Variants in GRIK4 observed in about 807,000 individuals in gnomAD.
The protein encoded by GRIK4 is glutamate receptor ionotropic, kainate 4.
In GRIK4, 40 loss-of-function variants were observed where a neutral mutation model predicts 104.9. That is an observed-to-expected ratio of 0.38 (90% CI 0.30 to 0.50). The LOEUF (loss-of-function observed/expected upper bound fraction) is 0.50, where lower values mean the gene tolerates loss of function less well. Ranked by LOEUF, GRIK4 falls within the 20% of genes least tolerant of loss-of-function variation. The pLI is 0.93. For missense variants in GRIK4, 1,047 were observed against 1,308.1 expected (o/e 0.80, Z 3.08); for synonymous variants, 485 against 524.9 (o/e 0.92, Z 1.04).
In GRIK4 at chr11:120,760,723, G is replaced by A. The variant is rs945823302; in HGVS notation, c.83-41970G>A. ...TGGTTTTCTGTTCCTGTGTTAGTTT[G>A]CTGAGAATAATGGTTTCCAGCTTCA... is the stretch of plus-strand genomic sequence containing the variant. On this transcript the variant is annotated intron_variant, in intron 3 of 20. Transcript: ENST00000527524. 7.2e-5 allele frequency among the ~76,000 whole-genome samples: 11 copies of A among 152,194 alleles called. No homozygotes were observed. In the East Asian group the frequency reaches 1.9e-3, roughly 27 times the overall value.
chr11:120,673,813 G>A (rs574578387), intron 3 of GRIK4, among the ~76,000 whole-genome samples: 1 of 152,238 alleles, frequency 6.6e-6, no homozygotes, highest in Non-Finnish European at 1.5e-5. Flanking sequence ...TGCCATTGTT[G>A]GTAGTTTCAG....
rs969036253 is a variant in GRIK4 at position 120,735,187 on chromosome 11, T to G, written c.83-67506T>G. Among the ~76,000 whole-genome samples the G allele has an allele frequency of 6.6e-5, 10 of 152,200 alleles. 1 individual carries two copies. Among genetic ancestry groups the G allele is most frequent in the African/African-American group, 1.9e-4 (8 of 41,448 alleles). ...TAGGTGTTTATCGTAGTCTTCACAA[T>G]TTGGACTTCGCAATCTGTGTTATTC... is the stretch of plus-strand genomic sequence containing the variant. On this transcript the variant is annotated intron_variant, in intron 3 of 20. Transcript: ENST00000527524.
chr11:120,847,889 C>G (rs1953888271), intron 8 of GRIK4, among the ~76,000 whole-genome samples: 1 of 152,202 alleles, frequency 6.6e-6, no homozygotes, highest in African/African-American at 2.4e-5. Context: ...ATAGGTGTCC[C>G]TCTTCCAGGG....
At chr11:120,865,537 G>C (rs907926743) in intron 9 of GRIK4, among the ~76,000 whole-genome samples, 2 of 152,180 alleles carry the variant, frequency 1.3e-5, no homozygotes, top group African/African-American at 4.8e-5. Context: ...CAGCAGGCCA[G>C]CCCAGCATAT....
At chr11:120,711,455 C>T (rs1950734147) in intron 3 of GRIK4, among the ~76,000 whole-genome samples, 1 of 152,126 alleles carries the variant, frequency 6.6e-6, no homozygotes, top group Non-Finnish European at 1.5e-5. Context: ...GGACCCATCC[C>T]CCTGGTCTGG....
Position 120,630,909 on chromosome 11 carries a change from C to G in GRIK4, c.-158-22776C>G, listed in dbSNP as rs137869623. Among the ~76,000 whole-genome samples, 65 of 152,244 alleles carry G rather than the reference C, an allele frequency of 4.3e-4. No homozygotes were observed. The East Asian group carries it at 0.012, about 28-fold the overall frequency. ...TCTTCTGTAAAATGAGAAAGTGTACCTGGGCGATCTCTGGGTTCTTGGAGA... is the reference window on the plus strand; with the variant it reads ...TCTTCTGTAAAATGAGAAAGTGTACGTGGGCGATCTCTGGGTTCTTGGAGA... On this transcript the variant is annotated intron_variant, in intron 1 of 20. Coordinates refer to ENST00000527524, the MANE Select transcript of GRIK4 (RefSeq NM_014619.5).
At chr11:120,538,705 C>T (rs1184574585) in intron 1 of GRIK4, among the ~76,000 whole-genome samples, 1 of 152,192 alleles carries the variant, frequency 6.6e-6, no homozygotes, top group Non-Finnish European at 1.5e-5. Context: ...TCCTGGGTAA[C>T]TACCTATCTG....
chr11:120,765,659 T>TTGTTGA lies in GRIK4; in HGVS notation c.83-37022_83-37017dup, dbSNP rs1951823982. Among the ~76,000 whole-genome samples, 3 of 152,332 alleles carry TTGTTGA rather than the reference T, an allele frequency of 2.0e-5. No homozygotes were observed. The South Asian group carries it at 6.2e-4, about 32-fold the overall frequency. On this transcript the variant is annotated intron_variant, in intron 3 of 20. Transcript: ENST00000527524. Reference sequence around the variant, plus strand: ...TAGAGTTTCTGTGTGGTTGTCCTTTTTGTTGATGTTGATGTTGTTGCTTTC... The same window carrying TTGTTGA: ...TAGAGTTTCTGTGTGGTTGTCCTTTTTGTTGATGTTGATGTTGATGTTGTTGCTTTC...
At chr11:120,527,805 G>A (rs574995241) in intron 1 of GRIK4, among the ~76,000 whole-genome samples, 1 of 152,278 alleles carries the variant, frequency 6.6e-6, no homozygotes, top group South Asian at 2.1e-4. Flanking sequence ...GAAAAAGAGG[G>A]CCTGGTGGTC....
Position 120,555,386 on chromosome 11 carries a change from A to G in GRIK4, c.-159+43499A>G, listed in dbSNP as rs1383487951. Among the ~76,000 whole-genome samples, 1 of 152,234 alleles carries G rather than the reference A, an allele frequency of 6.6e-6. No individual in the cohort carries two copies. Among genetic ancestry groups the G allele is most frequent in the Non-Finnish European group, 1.5e-5 (1 of 68,042 alleles). The stretch of plus-strand genomic sequence containing the variant: ...TGGCTCTGGAGCTGACACAGCAGGC[A>G]TAGGTCTGGCTTTTGTTTCTCCAAG... On this transcript the variant is annotated intron_variant, in intron 1 of 20. Transcript: ENST00000527524. The surrounding 1 kb of genome is among the most constrained non-coding windows in gnomAD (Gnocchi z 5.3).
intron 11 of GRIK4, among the ~76,000 whole-genome samples, chr11:120,888,247 C>A (rs1434415112): frequency 6.6e-6 from 1 of 151,946 alleles, no homozygotes; most frequent in East Asian, 1.9e-4. Flanking sequence ...GAATTAATAT[C>A]TATTAGTATT....
chr11:120,779,879 C>A (rs1425333725), intron 3 of GRIK4, among the ~76,000 whole-genome samples: 1 of 152,168 alleles, frequency 6.6e-6, no homozygotes, highest in African/African-American at 2.4e-5. Flanking sequence ...CTAGACAGAG[C>A]GTTGGTAGAG....
At chr11:120,712,060 C>T (rs1158660878) in intron 3 of GRIK4, among the ~76,000 whole-genome samples, 1 of 152,268 alleles carries the variant, frequency 6.6e-6, no homozygotes, top group Non-Finnish European at 1.5e-5. Flanking sequence ...GTCGCTGCTT[C>T]ACGCAGCTTA....
At chr11:120,942,180 C>A (rs1943741276) in intron 14 of GRIK4, among the ~76,000 whole-genome samples, 1 of 152,154 alleles carries the variant, frequency 6.6e-6, no homozygotes, top group South Asian at 2.1e-4. Flanking sequence ...GGAAAGGGGG[C>A]AGGTATGATA....
intron 1 of GRIK4, among the ~76,000 whole-genome samples, chr11:120,534,101 G>GGC (rs1285594617): frequency 6.6e-6 from 1 of 152,186 alleles, no homozygotes; most frequent in African/African-American, 2.4e-5. Flanking sequence ...CCGGGGTACA[G>GGC]AGGGGAGTGT....
At chr11:120,785,025 C>G (rs923195600) in intron 3 of GRIK4, among the ~76,000 whole-genome samples, 9 of 151,826 alleles carry the variant, frequency 5.9e-5, no homozygotes, top group Non-Finnish European at 1.3e-4. Context: ...GCATCTTTGT[C>G]TGCACTAGAC....
At chr11:120,680,771 G>A (rs762965969) in intron 3 of GRIK4, among the ~76,000 whole-genome samples, 3 of 152,220 alleles carry the variant, frequency 2.0e-5, no homozygotes, top group Non-Finnish European at 4.4e-5. Context: ...CTGGATAGAG[G>A]CGAAGGGAGC....
intron 13 of GRIK4, among the ~76,000 whole-genome samples, chr11:120,931,198 G>C (rs771078686): frequency 6.6e-6 from 1 of 152,174 alleles, no homozygotes; most frequent in Non-Finnish European, 1.5e-5. Context: ...CAGTGACCCA[G>C]GCAATGTAGT....
intron 3 of GRIK4, among the ~76,000 whole-genome samples, chr11:120,733,891 C>T (rs748278599): frequency 1.2e-4 from 18 of 152,102 alleles, no homozygotes; most frequent in African/African-American, 4.1e-4. Flanking sequence ...GCACCCGCCA[C>T]CGCACCTGGC....
Sources: allele counts gnomAD v4.1 joint callset (sites outside exome capture counted in the v4.1 genomes callset), GRCh38; gene constraint gnomAD v4.1.1; non-coding constraint Gnocchi (gnomAD v3.1); transcripts MANE v1.5; gene names NCBI Gene and HGNC (gene_info 2026-07-23, HGNC 2026-07-21).